MYO5B: variants seen among roughly 807,000 people sequenced by gnomAD.
MYO5B encodes myosin VB.
Under a neutral mutation model 229.3 loss-of-function variants are expected in MYO5B, and 143 were observed. The observed-to-expected ratio is 0.62, with a 90% CI of 0.54 to 0.72. The LOEUF (loss-of-function observed/expected upper bound fraction) is 0.72, where lower values mean the gene tolerates loss of function less well. Among genes scored for constraint, MYO5B ranks in the 30% least tolerant of loss-of-function variants. The probability of loss-of-function intolerance (pLI) is 0.00; values close to 1 mark genes in which losing one functional copy is unlikely to be tolerated. For missense variants in MYO5B, 2,321 were observed against 2,331.0 expected, an observed-to-expected ratio of 1.00 and a Z score of 0.09; for synonymous variants, 918 against 885.2, an observed-to-expected ratio of 1.04 and a Z score of -0.66.
At chr18:50,073,370 G>A (rs1274515462) in intron 1 of MYO5B, among the ~76,000 whole-genome samples, 1 of 152,156 alleles carries the variant, frequency 6.6e-6, no homozygotes, top group East Asian at 1.9e-4. Context: ...AAACCCAGGT[G>A]AACTGGGAAG....
chr18:50,030,490 C>T (rs754275210), intron 4 of MYO5B, among the ~76,000 whole-genome samples: 1 of 152,076 alleles, frequency 6.6e-6, no homozygotes, highest in Non-Finnish European at 1.5e-5. Context: ...ATACTGCTTC[C>T]CTGGAAGATC....
intron 31 of MYO5B, chr18:49,849,993 A>G (rs764758021): frequency 2.6e-6 from 1 of 388,358 alleles, no homozygotes; most frequent in Non-Finnish European, 4.9e-6. Context: ...CACTCAGCCT[A>G]GGAGTCCCAG....
Position 50,124,265 on chromosome 18 carries a change from G to A in MYO5B, c.28-68887C>T, listed in dbSNP as rs76057133. On this transcript the variant is annotated intron_variant, in intron 1 of 39. Coordinates refer to ENST00000285039, the MANE Select transcript of MYO5B (RefSeq NM_001080467.3). Reference sequence around the variant, plus strand: ...TTATTCTCGAAGCTTTATAGACTTCGTTATAAAACTGTGAGATTCTTTCAG... The same window carrying A: ...TTATTCTCGAAGCTTTATAGACTTCATTATAAAACTGTGAGATTCTTTCAG... Among the ~76,000 whole-genome samples, 1,183 of 152,314 alleles carry A rather than the reference G, an allele frequency of 7.8e-3. 20 individuals carry two copies. Among genetic ancestry groups the A allele is most frequent in the African/African-American group, 0.024 (1,002 of 41,572 alleles).
intron 22 of MYO5B, among the ~76,000 whole-genome samples, chr18:49,887,587 C>T (rs2024658463): frequency 6.6e-6 from 1 of 152,094 alleles, no homozygotes; most frequent in African/African-American, 2.4e-5. Flanking sequence ...CCCTGAGGCC[C>T]TCATCAGGAC....
intron 1 of MYO5B, among the ~76,000 whole-genome samples, chr18:50,172,288 C>CAAAAA (rs55973734): frequency 4.4e-5 from 4 of 90,522 alleles, no homozygotes; most frequent in Non-Finnish European, 4.5e-5. Context: ...CAAAAAAAGA[C>CAAAAA]AAAAAAAAAA....
intron 21 of MYO5B, among the ~76,000 whole-genome samples, chr18:49,896,111 T>A (rs546774925): frequency 7.9e-5 from 12 of 152,194 alleles, no homozygotes; most frequent in African/African-American, 2.9e-4. Flanking sequence ...CTAATTCACA[T>A]AAGAAATTAA....
intron 32 of MYO5B, 147 bp downstream of exon 32, chr18:49,849,420 C>A: frequency 1.3e-6 from 1 of 765,104 alleles, no homozygotes; most frequent in South Asian, 1.4e-5. Context: ...TGGGATCCAA[C>A]TTCTATCGCC....
At chr18:50,079,362 CT>C (rs1343025250) in intron 1 of MYO5B, among the ~76,000 whole-genome samples, 1 of 152,240 alleles carries the variant, frequency 6.6e-6, no homozygotes, top group African/African-American at 2.4e-5. Context: ...CTTGTGGTAT[CT>C]CTTCCTCCAC....
At chr18:49,969,445 T>C (rs991343490) in intron 10 of MYO5B, among the ~76,000 whole-genome samples, 13 of 152,234 alleles carry the variant, frequency 8.5e-5, no homozygotes, top group African/African-American at 3.1e-4. Context: ...TTGCAAATCA[T>C]ATTTCTGATA....
intron 1 of MYO5B, among the ~76,000 whole-genome samples, chr18:50,163,538 T>C (rs2032801091): frequency 6.6e-6 from 1 of 152,216 alleles, no homozygotes. Context: ...CAATCTTAGT[T>C]TCTCCTCCTA....
intron 1 of MYO5B, among the ~76,000 whole-genome samples, chr18:50,079,556 G>A (rs1005292961): frequency 6.6e-6 from 1 of 152,182 alleles, no homozygotes; most frequent in Admixed American, 6.5e-5. Flanking sequence ...CTGGGATACA[G>A]AAATCACATT....
chr18:49,846,469 C>T (rs912602306), intron 33 of MYO5B, among the ~76,000 whole-genome samples: 3 of 152,172 alleles, frequency 2.0e-5, no homozygotes, highest in African/African-American at 7.2e-5. Flanking sequence ...CACAAGAACA[C>T]TGGTGAGTAG....
At chr18:50,110,024 C>T (rs2031837159) in intron 1 of MYO5B, among the ~76,000 whole-genome samples, 1 of 152,046 alleles carries the variant, frequency 6.6e-6, no homozygotes, top group East Asian at 1.9e-4. Flanking sequence ...ACCCTCTCTC[C>T]CCACTCCCTT....
intron 36 of MYO5B, 117 bp from the exon 37 acceptor site, chr18:49,837,919 A>T (rs757576545): frequency 6.8e-6 from 9 of 1,328,494 alleles, no homozygotes; most frequent in Non-Finnish European, 9.7e-6. Flanking sequence ...GAGGTGTGCA[A>T]TGTTGACATG....
At chr18:50,062,478 A>C (rs1327592815) in intron 1 of MYO5B, among the ~76,000 whole-genome samples, 1 of 152,262 alleles carries the variant, frequency 6.6e-6, no homozygotes, top group Non-Finnish European at 1.5e-5. Flanking sequence ...GCAAAACAGC[A>C]GTTTCCCAAG....
intron 1 of MYO5B, among the ~76,000 whole-genome samples, chr18:50,129,154 G>C (rs1315299837): frequency 6.6e-6 from 1 of 152,232 alleles, no homozygotes; most frequent in Admixed American, 6.5e-5. Context: ...TGGACGGAGA[G>C]GGATGGAGGG....
At chr18:49,968,209 T>C (rs1409286060) in intron 10 of MYO5B, among the ~76,000 whole-genome samples, 1 of 152,156 alleles carries the variant, frequency 6.6e-6, no homozygotes, top group African/African-American at 2.4e-5. Context: ...GAGGCCATAG[T>C]GTTCCCAAAC....
At chr18:50,115,547 G>GAC (rs56886992) in intron 1 of MYO5B, among the ~76,000 whole-genome samples, 4,164 of 125,076 alleles carry the variant, frequency 0.033, 65 homozygotes, top group South Asian at 0.049. Flanking sequence ...CACACAGAGA[G>GAC]ACACACACAC....
At chr18:50,000,017 C>T (rs145227840) in intron 5 of MYO5B, among the ~76,000 whole-genome samples, 9 of 152,364 alleles carry the variant, frequency 5.9e-5, no homozygotes, top group African/African-American at 1.7e-4. Context: ...ATAGTGAACA[C>T]GTTGTATCCT....
Sources: gnomAD v4.1 joint callset for allele counts (sites outside exome capture counted in the v4.1 genomes callset) on GRCh38, gnomAD v4.1.1 for gene constraint, MANE v1.5 for transcripts, NCBI Gene and HGNC (gene_info 2026-07-23, HGNC 2026-07-21) for gene names.